Variants in ATMIN observed in about 807,000 individuals in gnomAD.
ATMIN encodes ATM INteracting protein.
A neutral mutation model predicts 49.2 loss-of-function variants in ATMIN; 24 were observed. The ratio of observed to expected loss-of-function variants is 0.49; its 90% CI spans 0.35 to 0.69. The LOEUF (loss-of-function observed/expected upper bound fraction) is 0.69. Among genes scored for constraint, ATMIN ranks in the 30% least tolerant of loss-of-function variants. The pLI is 0.00. For missense variants in ATMIN, 1,037 were observed against 1,005.5 expected, an observed-to-expected ratio of 1.03 and a Z score of -0.42; for synonymous variants, 450 against 392.5, an observed-to-expected ratio of 1.15 and a Z score of -1.73.
rs372590940 is a variant in ATMIN, at chr16:81,044,104, A to G, written c.1606A>G (p.Ser536Gly). The G allele has an allele frequency of 2.0e-5, 32 of 1,614,090 alleles. No individual in the cohort carries two copies. Among genetic ancestry groups the G allele is most frequent in the Non-Finnish European group, 2.5e-5 (29 of 1,180,034 alleles). Reference protein sequence around the residue: ...NVATGNIISNSLVAETVTHSL... With the variant: ...NVATGNIISNGLVAETVTHSL... ...TGCTACAGGTAACATTATAAGCAACAGTTTAGTAGCAGAGACAGTAACTCA... is the reference window on the plus strand; with the variant it reads ...TGCTACAGGTAACATTATAAGCAACGGTTTAGTAGCAGAGACAGTAACTCA... The change falls in exon 4 of 4, where the codon AGT (serine) becomes GGT (glycine). Residue 536 changes from serine to glycine, a missense_variant. Ser to Gly is a moderately conservative substitution (Grantham distance 56). Transcript: ENST00000299575.
At position 81,044,197 on chromosome 16, in the gene ATMIN, A is replaced by C. The variant is rs371834642; in HGVS notation, c.1699A>C (p.Asn567His). The change falls in exon 4 of 4, where the codon AAT becomes CAT. Residue 567 changes from asparagine to histidine, a missense_variant. Transcript: ENST00000299575. ...QDIEKSAPII[N>H]FSAQNSMLPS... The stretch of plus-strand genomic sequence containing the variant: ...TATTGAGAAATCTGCACCAATTATA[A>C]ATTTCAGTGCACAGAATAGTATGCT... 5 of 1,614,068 alleles carry C rather than the reference A, an allele frequency of 3.1e-6. No individual in the cohort carries two copies. Among genetic ancestry groups the C allele is most frequent in the Non-Finnish European group, 4.2e-6 (5 of 1,180,020 alleles).
chr16:81,036,263 C>T (rs1442417212), intron 1 of ATMIN, 57 bp downstream of exon 1: 2 of 1,174,208 alleles, frequency 1.7e-6, no homozygotes, highest in Non-Finnish European at 2.1e-6. Flanking sequence ...ACAAAGCGCC[C>T]GGCGCCGGCG....
In ATMIN at chr16:81,036,066, G is replaced by T. The variant is rs1328410480; in HGVS notation, c.196G>T (p.Gly66Trp). 2 of 1,305,962 alleles carry T rather than the reference G, an allele frequency of 1.5e-6. No homozygotes were observed. The highest frequency in any genetic ancestry group is 2.8e-5 in the Admixed American group (1 of 36,270). The allele number at this position is 1,305,962 out of a possible 1,614,324, so 80.9% of individuals were successfully genotyped here. The change falls in exon 1 of 4, where the codon GGG becomes TGG. Residue 66 changes from glycine to tryptophan, a missense_variant. By Grantham distance (184) the Gly-to-Trp change is radical (BLOSUM62 -2). Coordinates refer to ENST00000299575, the MANE Select transcript of ATMIN (RefSeq NM_015251.3). ...QQPAVPAPPA[G>W]ELIQPSVSEL... The stretch of plus-strand genomic sequence containing the variant: ...GCCCGCTGTCCCCGCGCCGCCGGCG[G>T]GGGAGCTGATCCAGCCGTCGGTGAG...
At chr16:81,040,150 C>A (rs939183366) in intron 1 of ATMIN, among the ~76,000 whole-genome samples, 8 of 152,148 alleles carry the variant, frequency 5.3e-5, no homozygotes, top group Non-Finnish European at 8.8e-5. Flanking sequence ...AGATACAGTA[C>A]AAAAAGTCCA....
In ATMIN at chr16:81,044,307, T is replaced by A. The variant is rs1199888591; in HGVS notation, c.1809T>A (p.Pro603=). 1 of 1,614,136 alleles carries A rather than the reference T, an allele frequency of 6.2e-7. No individual in the cohort carries two copies. The highest frequency in any genetic ancestry group is 1.1e-5 in the South Asian group (1 of 91,078). Residue 603 remains proline, a synonymous_variant, in exon 4 of 4, where the codon CCT becomes CCA. Coordinates refer to ENST00000299575, the MANE Select transcript of ATMIN (RefSeq NM_015251.3). ...DLENILSSNL[P]AQTLDHRSLL... The stretch of plus-strand genomic sequence containing the variant: ...AAAACATCTTGTCAAGTAATCTGCC[T>A]GCTCAGACATTGGATCATCGTAGTC...
intron 3 of ATMIN, 69 bp from the exon 4 acceptor site, chr16:81,043,092 A>G: frequency 1.3e-6 from 2 of 1,509,694 alleles, no homozygotes; most frequent in South Asian, 1.4e-5. Context: ...TTTGTAAGTG[A>G]GGATAGAGTG....
chr16:81,043,323 T>A lies in ATMIN; in HGVS notation c.825T>A (p.Cys275Ter). 6.2e-7 allele frequency: 1 copy of A among 1,614,180 alleles called. No homozygotes were observed. The highest frequency in any genetic ancestry group is 8.5e-7 in the Non-Finnish European group (1 of 1,180,032). ...IKLEPSFEDS[C>*]GSNTDKQTLT... ...TAGAACCATCTTTTGAAGACTCTTGTGGCTCTAACACTGACAAGCAGACTC... is the reference window on the plus strand; with the variant it reads ...TAGAACCATCTTTTGAAGACTCTTGAGGCTCTAACACTGACAAGCAGACTC... The change falls in exon 4 of 4, where the codon TGT becomes TGA. Residue 275 changes from cysteine (C) to a stop codon, truncating the protein, a stop_gained. Coordinates refer to ENST00000299575, the MANE Select transcript of ATMIN (RefSeq NM_015251.3). LOFTEE classifies it low-confidence loss of function (END_TRUNC).
intron 3 of ATMIN, 142 bp from the exon 4 acceptor site, chr16:81,043,019 G>T (rs932456003): frequency 9.6e-7 from 1 of 1,039,486 alleles, no homozygotes; most frequent in Non-Finnish European, 1.4e-6. Context: ...CCAGAGTTGC[G>T]AAAGAATGGA....
In ATMIN at chr16:81,047,239, CCT is replaced by C. The variant is rs1219284101; in HGVS notation, c.*2270_*2271del. On this transcript the variant is annotated 3_prime_UTR_variant, in exon 4 of 4. Coordinates refer to ENST00000299575, the MANE Select transcript of ATMIN (RefSeq NM_015251.3). ...GATTAAAGAGAAGCCAGAATTGTACCCTTTTTTGTGAATTCTTGAACGTACTC... is the reference window on the plus strand; with the variant it reads ...GATTAAAGAGAAGCCAGAATTGTACCTTTTTGTGAATTCTTGAACGTACTC... 4 of 152,064 alleles carry C rather than the reference CCT, an allele frequency of 2.6e-5. No individual in the cohort carries two copies. The highest frequency in any genetic ancestry group is 1.9e-4 in the East Asian group (1 of 5,186). The allele number at this position is 152,064 out of a possible 1,614,324, so 9.4% of individuals were successfully genotyped here. A position where few individuals can be genotyped will look rare whatever the true frequency, so the allele number is the denominator to read the frequency against.
chr16:81,035,956 C>T lies in ATMIN; in HGVS notation c.86C>T (p.Ala29Val). Reference sequence around the variant, plus strand: ...GCCGTCCCGGCGGCCACGACAGGAGCCGCCGCCGCCGCCTCGGGCCCGTGG... The same window carrying T: ...GCCGTCCCGGCGGCCACGACAGGAGTCGCCGCCGCCGCCTCGGGCCCGTGG... Reference protein sequence around the residue: ...ARAVPAATTGAAAAASGPWVP... With the variant: ...ARAVPAATTGVAAAASGPWVP... The change falls in exon 1 of 4, where the codon GCC (alanine) becomes GTC (valine). Residue 29 changes from alanine (A) to valine (V), a missense_variant. Transcript: ENST00000299575. The T allele has an allele frequency of 9.8e-7, 1 of 1,020,194 alleles. No individual in the cohort carries two copies. Among genetic ancestry groups the T allele is most frequent in the Non-Finnish European group, 1.2e-6 (1 of 854,038 alleles). The allele number at this position is 1,020,194 out of a possible 1,614,324, so 63.2% of individuals were successfully genotyped here.
chr16:81,036,054 G>C lies in ATMIN; in HGVS notation c.184G>C (p.Ala62Pro). The change falls in exon 1 of 4, where the codon GCG becomes CCG. Residue 62 changes from alanine to proline, a missense_variant. Ala to Pro is a conservative substitution (Grantham distance 27, BLOSUM62 -1). Transcript: ENST00000299575. Reference sequence around the variant, plus strand: ...GGCGACGCAGCAGCCCGCTGTCCCCGCGCCGCCGGCGGGGGAGCTGATCCA... The same window carrying C: ...GGCGACGCAGCAGCCCGCTGTCCCCCCGCCGCCGGCGGGGGAGCTGATCCA... ...AGATQQPAVP[A>P]PPAGELIQPS... 1 of 1,262,682 alleles carries C rather than the reference G, an allele frequency of 7.9e-7. No individual in the cohort carries two copies. Among genetic ancestry groups the C allele is most frequent in the Non-Finnish European group, 1.0e-6 (1 of 995,928 alleles). The allele number at this position is 1,262,682 out of a possible 1,614,324, so 78.2% of individuals were successfully genotyped here.
Position 81,047,084 on chromosome 16 carries a change from T to G in ATMIN, c.*2114T>G, listed in dbSNP as rs534270130. 2 of 152,706 alleles carry G rather than the reference T, an allele frequency of 1.3e-5. No individual in the cohort carries two copies. The highest frequency in any genetic ancestry group is 3.9e-4 in the East Asian group (2 of 5,188). The allele number at this position is 152,706 out of a possible 1,614,324, so 9.5% of individuals were successfully genotyped here. Reference sequence around the variant, plus strand: ...AGTGATCTATGGCTTAAAAAATTTGTTTCTGTGACAATGTTTGTAAATCTA... The same window carrying G: ...AGTGATCTATGGCTTAAAAAATTTGGTTCTGTGACAATGTTTGTAAATCTA... On this transcript the variant is annotated 3_prime_UTR_variant, in exon 4 of 4. Coordinates refer to ENST00000299575, the MANE Select transcript of ATMIN (RefSeq NM_015251.3).
rs750842682 is a variant in ATMIN at position 81,044,859 on chromosome 16, A to C, written c.2361A>C (p.Thr787=). The C allele has an allele frequency of 6.2e-7, 1 of 1,614,214 alleles. No homozygotes were observed. The highest frequency in any genetic ancestry group is 8.5e-7 in the Non-Finnish European group (1 of 1,180,020). ...SLFFTSNETQ[T]AMDDFLLADL... ...TCTTCACCAGCAACGAAACTCAGACAGCAATGGATGACTTTCTTCTGGCTG... is the reference window on the plus strand; with the variant it reads ...TCTTCACCAGCAACGAAACTCAGACCGCAATGGATGACTTTCTTCTGGCTG... Residue 787 remains threonine, a synonymous_variant, in exon 4 of 4, where the codon ACA becomes ACC. Coordinates refer to ENST00000299575, the MANE Select transcript of ATMIN (RefSeq NM_015251.3).
rs1971099105 is a variant in ATMIN at position 81,045,232 on chromosome 16, A to G, written c.*262A>G. 2 of 447,328 alleles carry G rather than the reference A, an allele frequency of 4.5e-6. 1 individual carries two copies. Among genetic ancestry groups the G allele is most frequent in the Admixed American group, 7.9e-5 (2 of 25,206 alleles). The allele number at this position is 447,328 out of a possible 1,614,324, so 27.7% of individuals were successfully genotyped here. A position where few individuals can be genotyped will look rare whatever the true frequency, so the allele number is the denominator to read the frequency against. ...TCACAGCTAGTCTTTTCATGTTAAA[A>G]AAAAAAATGTATTTCATATCTATAA... On this transcript the variant is annotated 3_prime_UTR_variant, in exon 4 of 4. Transcript: ENST00000299575.
At position 81,036,120 on chromosome 16, in the gene ATMIN, A is replaced by G; in HGVS notation, c.250A>G (p.Ile84Val). ...GCTGTCCCGGGCCGTGCGGACCAACATCCTGTGCACCGTGCGCGGCTGCGG... is the reference window on the plus strand; with the variant it reads ...GCTGTCCCGGGCCGTGCGGACCAACGTCCTGTGCACCGTGCGCGGCTGCGG... ...SELSRAVRTN[I>V]LCTVRGCGKI... is the part of the protein sequence containing the mutation. Residue 84 changes from isoleucine (I) to valine (V), a missense_variant, in exon 1 of 4, where the codon ATC becomes GTC. By Grantham distance (29) the Ile-to-Val change is conservative. Coordinates refer to ENST00000299575, the MANE Select transcript of ATMIN (RefSeq NM_015251.3). The G allele has an allele frequency of 6.9e-7, 1 of 1,440,082 alleles. No homozygotes were observed. The highest frequency in any genetic ancestry group is 9.2e-7 in the Non-Finnish European group (1 of 1,086,532). The allele number at this position is 1,440,082 out of a possible 1,614,324, so 89.2% of individuals were successfully genotyped here. A position where few individuals can be genotyped will look rare whatever the true frequency, so the allele number is the denominator to read the frequency against.
rs746335076 is a variant in ATMIN, at chr16:81,041,522, C to A, written c.462+41C>A. On this transcript the variant is annotated intron_variant, in intron 2 of 3. Coordinates refer to ENST00000299575, the MANE Select transcript of ATMIN (RefSeq NM_015251.3). Reference sequence around the variant, plus strand: ...AGGATGAGATACAGATGCTAAAAACCTATTGTGCATTCTGATTACTTAGCA... The same window carrying A: ...AGGATGAGATACAGATGCTAAAAACATATTGTGCATTCTGATTACTTAGCA... 6.3e-6 allele frequency: 10 copies of A among 1,576,662 alleles called. No homozygotes were observed. The Admixed American group carries it at 1.0e-4, about 16-fold the overall frequency.
Position 81,045,420 on chromosome 16 carries a change from A to G in ATMIN, c.*450A>G, listed in dbSNP as rs1013180727. On this transcript the variant is annotated 3_prime_UTR_variant, in exon 4 of 4. Coordinates refer to ENST00000299575, the MANE Select transcript of ATMIN (RefSeq NM_015251.3). ...TTCCTGATTCCTGTTACTAATCACT[A>G]AAGAAACCGGATGCTGCCACCGTAG... 1.3e-5 allele frequency: 2 copies of G among 158,570 alleles called. No homozygotes were observed. The highest frequency in any genetic ancestry group is 4.8e-5 in the African/African-American group (2 of 41,484). 9.8% of individuals were successfully genotyped at this position (158,570 alleles called of 1,614,324 possible).
intron 1 of ATMIN, 115 bp downstream of exon 1, chr16:81,036,321 C>G (rs922605642): frequency 2.2e-5 from 22 of 986,692 alleles, no homozygotes; most frequent in Non-Finnish European, 2.6e-5. Flanking sequence ...CTGCCGCTGC[C>G]GCTGCCCCAC....
intron 1 of ATMIN, chr16:81,037,532 GTTTC>G: frequency 1.0e-6 from 1 of 978,556 alleles, no homozygotes; most frequent in Non-Finnish European, 1.2e-6. Context: ...AAAGCTCTGG[GTTTC>G]TTTCAGCACT....
Sources: allele counts gnomAD v4.1 joint callset (sites outside exome capture counted in the v4.1 genomes callset), GRCh38; gene constraint gnomAD v4.1.1; transcripts MANE v1.5; gene names NCBI Gene and HGNC (gene_info 2026-07-23, HGNC 2026-07-21).